SMAP1: variants seen among roughly 807,000 people sequenced by gnomAD.
SMAP1 encodes the protein stromal membrane-associated protein 1.
Under a neutral mutation model 58.5 loss-of-function variants are expected in SMAP1, and 24 were observed. The ratio of observed to expected loss-of-function variants is 0.41; its 90% CI spans 0.30 to 0.58. The LOEUF (loss-of-function observed/expected upper bound fraction) is 0.58, where lower values mean the gene tolerates loss of function less well. Among genes scored for constraint, SMAP1 ranks in the 20% least tolerant of loss-of-function variants. The pLI, the probability that SMAP1 is intolerant of heterozygous loss-of-function variation, is 0.29. For synonymous variants in SMAP1, 216 were observed against 196.6 expected (o/e 1.10, Z -0.82); for missense variants, 563 against 566.3 (o/e 0.99, Z 0.06).
chr6:70,744,545 G>A (rs974399757), intron 2 of SMAP1, among the ~76,000 whole-genome samples: 2 of 152,188 alleles, frequency 1.3e-5, no homozygotes, highest in African/African-American at 4.8e-5. Flanking sequence ...GTGTACATAT[G>A]CCATGTTTTC....
rs200415004 is a variant in SMAP1 at position 70,856,854 on chromosome 6, C to A, written c.790-5C>A. On this transcript the variant is annotated splice_polypyrimidine_tract_variant and splice_region_variant and intron_variant, in intron 8 of 10. Coordinates refer to ENST00000370455, the MANE Select transcript of SMAP1 (RefSeq NM_001044305.3). ...TTTGATAGCTTATTTTGGTGTTTGT[C>A]TCAGGGGACACCCTCTGCACCAGCA... The A allele has an allele frequency of 1.3e-6, 2 of 1,598,228 alleles. No homozygotes were observed. Among genetic ancestry groups the A allele is most frequent in the South Asian group, 1.1e-5 (1 of 88,420 alleles).
At position 70,856,854 on chromosome 6, in the gene SMAP1, C is replaced by T. The variant is rs200415004; in HGVS notation, c.790-5C>T. On this transcript the variant is annotated splice_polypyrimidine_tract_variant and splice_region_variant and intron_variant, in intron 8 of 10. Coordinates refer to ENST00000370455, the MANE Select transcript of SMAP1 (RefSeq NM_001044305.3). The stretch of plus-strand genomic sequence containing the variant: ...TTTGATAGCTTATTTTGGTGTTTGT[C>T]TCAGGGGACACCCTCTGCACCAGCA... 1 of 1,598,346 alleles carries T rather than the reference C, an allele frequency of 6.3e-7. No homozygotes were observed. Among genetic ancestry groups the T allele is most frequent in the East Asian group, 2.2e-5 (1 of 44,684 alleles).
At chr6:70,703,637 A>C (rs573879895) in intron 1 of SMAP1, among the ~76,000 whole-genome samples, 4 of 152,250 alleles carry the variant, frequency 2.6e-5, no homozygotes, top group African/African-American at 9.6e-5. Flanking sequence ...AGTTTCCTCT[A>C]ATTGTTTTGG....
At chr6:70,792,454 A>G (rs1342689914) in intron 5 of SMAP1, among the ~76,000 whole-genome samples, 1 of 152,076 alleles carries the variant, frequency 6.6e-6, no homozygotes, top group Non-Finnish European at 1.5e-5. Context: ...TACAAAGGCA[A>G]GATATAGCCC....
intron 3 of SMAP1, among the ~76,000 whole-genome samples, chr6:70,763,408 A>G (rs1766836378): frequency 6.6e-6 from 1 of 152,100 alleles, no homozygotes; most frequent in African/African-American, 2.4e-5. Context: ...TTAATTTATA[A>G]AAGTTTGCAT....
At chr6:70,854,999 A>G (rs1771341842) in intron 8 of SMAP1, among the ~76,000 whole-genome samples, 1 of 151,804 alleles carries the variant, frequency 6.6e-6, no homozygotes, top group South Asian at 2.1e-4. Context: ...CTGGAGAGGA[A>G]CAGTTCCAGA....
chr6:70,712,233 CTTGA>C lies in SMAP1; in HGVS notation c.119-20138_119-20135del, dbSNP rs148520078. Among the ~76,000 whole-genome samples the C allele has an allele frequency of 8.7e-3, 1,323 of 152,230 alleles. 17 individuals carry two copies. Among genetic ancestry groups the C allele is most frequent in the Non-Finnish European group, 0.014 (985 of 67,994 alleles). On this transcript the variant is annotated intron_variant, in intron 1 of 10. Coordinates refer to ENST00000370455, the MANE Select transcript of SMAP1 (RefSeq NM_001044305.3). Reference sequence around the variant, plus strand: ...CATTCTGTTAATGAGGGGTAATCACCTTGATTGATTTGTGTATGTTAAGCCAACC... The same window carrying C: ...CATTCTGTTAATGAGGGGTAATCACCTTGATTTGTGTATGTTAAGCCAACC...
At chr6:70,694,213 A>G (rs1384465120) in intron 1 of SMAP1, 10 of 279,372 alleles carry the variant, frequency 3.6e-5, no homozygotes, top group Non-Finnish European at 6.3e-5. Flanking sequence ...TGGATAAGGC[A>G]TCTCAAGAGA....
At chr6:70,838,926 A>T (rs181566392) in intron 7 of SMAP1, among the ~76,000 whole-genome samples, 162 of 152,270 alleles carry the variant, frequency 1.1e-3, no homozygotes, top group African/African-American at 3.7e-3. Context: ...TTTTTTAAGG[A>T]TGACATTACA....
intron 4 of SMAP1, among the ~76,000 whole-genome samples, chr6:70,790,168 T>C (rs762031576): frequency 3.9e-5 from 6 of 152,066 alleles, no homozygotes; most frequent in Non-Finnish European, 5.9e-5. Context: ...TGAGACGGAG[T>C]CTCGCTCTGT....
chr6:70,803,010 T>G (rs916515179), intron 6 of SMAP1, among the ~76,000 whole-genome samples: 14 of 152,330 alleles, frequency 9.2e-5, no homozygotes, highest in Middle Eastern at 3.4e-3. Context: ...TCAGGATGAT[T>G]CTGGCCTCAT....
At chr6:70,809,606 A>C (rs1769299717) in intron 6 of SMAP1, among the ~76,000 whole-genome samples, 1 of 152,190 alleles carries the variant, frequency 6.6e-6, no homozygotes. Context: ...TTACACACCC[A>C]CCAAGCTCTC....
chr6:70,824,028 A>G (rs1770007265), intron 6 of SMAP1, among the ~76,000 whole-genome samples: 1 of 152,086 alleles, frequency 6.6e-6, no homozygotes, highest in African/African-American at 2.4e-5. Context: ...CAGTTCATCA[A>G]TTACAGTTCA....
chr6:70,835,583 T>G (rs1770547521), intron 6 of SMAP1, among the ~76,000 whole-genome samples: 1 of 152,212 alleles, frequency 6.6e-6, no homozygotes, highest in Non-Finnish European at 1.5e-5. Context: ...CATAGCTCAC[T>G]GCAGCCTTGA....
chr6:70,730,476 C>T (rs1421384159), intron 1 of SMAP1, among the ~76,000 whole-genome samples: 2 of 152,182 alleles, frequency 1.3e-5, no homozygotes, highest in Non-Finnish European at 2.9e-5. Context: ...AGATAGATAA[C>T]GTTGTAAATT....
At chr6:70,806,419 C>T (rs1769134383) in intron 6 of SMAP1, among the ~76,000 whole-genome samples, 1 of 152,178 alleles carries the variant, frequency 6.6e-6, no homozygotes, top group Non-Finnish European at 1.5e-5. Flanking sequence ...GTCACAGCTT[C>T]CCTTGGCTAG....
chr6:70,740,148 C>T (rs186754838), intron 2 of SMAP1, among the ~76,000 whole-genome samples: 2 of 152,268 alleles, frequency 1.3e-5, no homozygotes, highest in Admixed American at 6.5e-5. Context: ...TTGATTCTTT[C>T]TGCTGATCAT....
chr6:70,682,594 A>C (rs1766764038), intron 1 of SMAP1, among the ~76,000 whole-genome samples: 1 of 152,222 alleles, frequency 6.6e-6, no homozygotes, highest in Admixed American at 6.5e-5. Context: ...TTTTGTGGTT[A>C]CATATACTGC....
intron 3 of SMAP1, among the ~76,000 whole-genome samples, chr6:70,760,271 C>T (rs540185709): frequency 6.6e-6 from 1 of 152,042 alleles, no homozygotes; most frequent in Non-Finnish European, 1.5e-5. Flanking sequence ...GTTGTTACCT[C>T]AGTCATTCTT....
Sources: allele counts gnomAD v4.1 joint callset (sites outside exome capture counted in the v4.1 genomes callset), GRCh38; gene constraint gnomAD v4.1.1; transcripts MANE v1.5; gene names NCBI Gene and HGNC (gene_info 2026-07-23, HGNC 2026-07-21).